Variants in PPP4R3B observed in about 807,000 individuals in gnomAD.
PPP4R3B encodes protein phosphatase 4 regulatory subunit 3B, also known as serine/threonine-protein phosphatase 4 regulatory subunit 3B.
Under a neutral mutation model 95.4 loss-of-function variants are expected in PPP4R3B, and 52 were observed. The ratio of observed to expected loss-of-function variants is 0.54; its 90% CI spans 0.44 to 0.69. The LOEUF is 0.69. Among genes scored for constraint, PPP4R3B ranks in the 30% least tolerant of loss-of-function variants. The pLI, the probability that PPP4R3B is intolerant of heterozygous loss-of-function variation, is 0.00. For synonymous variants in PPP4R3B, 407 were observed against 343.9 expected (o/e 1.18, Z -2.03); for missense variants, 1,003 against 1,005.9 (o/e 1.00, Z 0.04).
rs1390709299 is a variant in PPP4R3B, at chr2:55,568,266, T to A, written c.1863A>T (p.Ala621=). ...TATACCGAGTTCCATTATCCAGAAG[T>A]GCATTTATAACTGGCTCAAAAAGAT... The part of the protein sequence containing the change: ...KGNLFEPVIN[A]LLDNGTRYNL... The change falls in exon 13 of 17, where the codon GCA becomes GCT. Residue 621 remains alanine (A), a synonymous_variant. Coordinates refer to ENST00000616407, the MANE Select transcript of PPP4R3B (RefSeq NM_001122964.3). The A allele has an allele frequency of 6.2e-7, 1 of 1,610,782 alleles. No individual in the cohort carries two copies. Among genetic ancestry groups the A allele is most frequent in the African/African-American group, 1.3e-5 (1 of 74,980 alleles).
At chr2:55,563,080 T>A (rs1686829279) in intron 15 of PPP4R3B, among the ~76,000 whole-genome samples, 1 of 152,240 alleles carries the variant, frequency 6.6e-6, no homozygotes, top group African/African-American at 2.4e-5. Context: ...CAAATATGGC[T>A]GTACTGCCTC....
intron 2 of PPP4R3B, among the ~76,000 whole-genome samples, chr2:55,613,047 G>A (rs1694396103): frequency 6.6e-6 from 1 of 152,110 alleles, no homozygotes; most frequent in South Asian, 2.1e-4. Context: ...GGAGGTTGAG[G>A]CTGCAGTGAG....
chr2:55,616,099 T>C (rs1426661106), intron 1 of PPP4R3B, among the ~76,000 whole-genome samples: 1 of 151,968 alleles, frequency 6.6e-6, no homozygotes, highest in Non-Finnish European at 1.5e-5. Context: ...AGATGACTAT[T>C]AAAATTTTAT....
intron 2 of PPP4R3B, among the ~76,000 whole-genome samples, chr2:55,613,517 G>T (rs181389661): frequency 6.6e-6 from 1 of 151,736 alleles, no homozygotes; most frequent in Non-Finnish European, 1.5e-5. Flanking sequence ...TAATTATCTA[G>T]AACTAATTTT....
intron 16 of PPP4R3B, among the ~76,000 whole-genome samples, chr2:55,558,013 C>T (rs1686076126): frequency 6.6e-6 from 1 of 152,018 alleles, no homozygotes; most frequent in African/African-American, 2.4e-5. Flanking sequence ...AATATTTAGC[C>T]TTACTACTAA....
chr2:55,600,456 A>AAAAAAG (rs1692404304), intron 3 of PPP4R3B, among the ~76,000 whole-genome samples: 3 of 144,540 alleles, frequency 2.1e-5, no homozygotes, highest in African/African-American at 5.2e-5. Context: ...AAAAAAAAAA[A>AAAAAAG]GGCGGGCAGG....
intron 2 of PPP4R3B, among the ~76,000 whole-genome samples, chr2:55,613,042 T>A (rs183853296): frequency 6.6e-6 from 1 of 151,818 alleles, no homozygotes; most frequent in South Asian, 2.1e-4. Context: ...GCCCAGGAGG[T>A]TGAGGCTGCA....
intron 14 of PPP4R3B, 151 bp downstream of exon 14, chr2:55,564,751 G>T (rs1010880180): frequency 2.4e-6 from 2 of 836,700 alleles, no homozygotes; most frequent in Admixed American, 3.1e-5. Context: ...AATGATATGG[G>T]GTAGGGGGGA....
intron 1 of PPP4R3B, among the ~76,000 whole-genome samples, chr2:55,616,076 G>C (rs1359324769): frequency 6.6e-6 from 1 of 151,478 alleles, no homozygotes; most frequent in Non-Finnish European, 1.5e-5. Context: ...TCAAACCAAG[G>C]AATGAGGAGA....
At chr2:55,578,380 A>C in intron 9 of PPP4R3B, 38 bp from the exon 10 acceptor site, 1 of 1,316,140 alleles carries the variant, frequency 7.6e-7, no homozygotes, top group Non-Finnish European at 9.8e-7. Flanking sequence ...TGATAAAGCC[A>C]ACAGGGAGTA....
intron 11 of PPP4R3B, among the ~76,000 whole-genome samples, chr2:55,575,056 G>C (rs1478118394): frequency 2.7e-5 from 4 of 147,128 alleles, no homozygotes; most frequent in Non-Finnish European, 4.5e-5. Context: ...TCCTGCCTCA[G>C]CCTCCCAAGT....
chr2:55,586,806 A>G, intron 5 of PPP4R3B, 72 bp from the exon 6 acceptor site: 1 of 829,346 alleles, frequency 1.2e-6, no homozygotes, highest in Non-Finnish European at 1.9e-6. Flanking sequence ...ATCATCTACC[A>G]TGGTGTGGTA....
intron 4 of PPP4R3B, chr2:55,591,418 C>A: frequency 1.7e-6 from 1 of 581,212 alleles, no homozygotes; most frequent in Non-Finnish European, 2.2e-6. Flanking sequence ...GCTAGGACTA[C>A]AGGCATGAGC....
At chr2:55,593,047 T>G (rs1691259080) in intron 4 of PPP4R3B, among the ~76,000 whole-genome samples, 1 of 152,056 alleles carries the variant, frequency 6.6e-6, no homozygotes, top group African/African-American at 2.4e-5. Flanking sequence ...TAATCCCAGC[T>G]CCCAGGAGGC....
intron 4 of PPP4R3B, among the ~76,000 whole-genome samples, chr2:55,595,128 A>T (rs544370477): frequency 5.5e-4 from 84 of 151,872 alleles, no homozygotes; most frequent in Non-Finnish European, 6.8e-4. Context: ...GGTTCAAGCA[A>T]TTCTCCCACT....
In PPP4R3B at chr2:55,598,692, AG is replaced by A; in HGVS notation, c.644del (p.Ser215LeufsTer28). 1 of 1,614,252 alleles carries A rather than the reference AG, an allele frequency of 6.2e-7. No individual in the cohort carries two copies. The highest frequency in any genetic ancestry group is 8.5e-7 in the Non-Finnish European group (1 of 1,180,046). ...NKATLFEVMFSDECIMDVVGC... is the reference protein window; with the variant it reads ...NKATLFEVMFXDECIMDVVGC... The stretch of plus-strand genomic sequence containing the variant: ...CCACGACATCCATGATACACTCATC[AG>A]AAAACATTACCTCAAAAAGAGTTGC... On this transcript the variant is annotated frameshift_variant, in exon 4 of 17. Transcript: ENST00000616407. LOFTEE classifies it high-confidence loss of function.
At chr2:55,606,441 T>C (rs1259924460) in intron 2 of PPP4R3B, among the ~76,000 whole-genome samples, 2 of 151,942 alleles carry the variant, frequency 1.3e-5, no homozygotes, top group African/African-American at 4.8e-5. Context: ...TCTTAGCATT[T>C]TGGGAGGCTA....
chr2:55,566,810 C>T (rs1487596226), intron 13 of PPP4R3B, among the ~76,000 whole-genome samples: 1 of 152,132 alleles, frequency 6.6e-6, no homozygotes, highest in African/African-American at 2.4e-5. Flanking sequence ...CGTTTGAGAC[C>T]AGCCTGGGCA....
intron 13 of PPP4R3B, 71 bp downstream of exon 13, chr2:55,568,123 T>C (rs1052082753): frequency 2.8e-6 from 3 of 1,085,340 alleles, no homozygotes; most frequent in African/African-American, 1.6e-5. Flanking sequence ...TTTGCTTACA[T>C]GTAATTCTTT....
Sources: gnomAD v4.1 joint callset for allele counts (sites outside exome capture counted in the v4.1 genomes callset) on GRCh38, gnomAD v4.1.1 for gene constraint, MANE v1.5 for transcripts, NCBI Gene and HGNC (gene_info 2026-07-23, HGNC 2026-07-21) for gene names.